KALRN: variants seen among roughly 807,000 people sequenced by gnomAD.
KALRN encodes kalirin RhoGEF kinase, also known as kalirin.
Under a neutral mutation model 353.7 loss-of-function variants are expected in KALRN, and 70 were observed. The ratio of observed to expected loss-of-function variants is 0.20; its 90% confidence interval spans 0.16 to 0.24. The LOEUF is 0.24. Among genes scored for constraint, KALRN ranks in the 10% least tolerant of loss-of-function variants. KALRN has a pLI of 1.00. For synonymous variants in KALRN, 1,391 were observed against 1,434.8 expected (o/e 0.97, Z 0.69); for missense variants, 2,791 against 3,756.7 (o/e 0.74, Z 6.72).
intron 11 of KALRN, among the ~76,000 whole-genome samples, chr3:124,389,843 T>C (rs1560774428): frequency 6.6e-6 from 1 of 152,242 alleles, no homozygotes. Flanking sequence ...TTGGCTTTTT[T>C]TTGTTTTGCA....
Position 124,724,839 on chromosome 3 carries a change from G to A in KALRN, c.*5369G>A, listed in dbSNP as rs1009173227. ...CTAAGACAACTTTTCGTCTTTGAGGGACATTATGATAAGCCTGAAATTAAT... is the reference window on the plus strand; with the variant it reads ...CTAAGACAACTTTTCGTCTTTGAGGAACATTATGATAAGCCTGAAATTAAT... On this transcript the variant is annotated 3_prime_UTR_variant, in exon 60 of 60. Transcript: ENST00000682506. The A allele has an allele frequency of 1.3e-5, 2 of 152,186 alleles. No homozygotes were observed. Among genetic ancestry groups the A allele is most frequent in the African/African-American group, 4.8e-5 (2 of 41,454 alleles). The allele number at this position is 152,186 out of a possible 1,614,324, so 9.4% of individuals were successfully genotyped here.
At chr3:124,112,176 A>C (rs543409092) in intron 1 of KALRN, among the ~76,000 whole-genome samples, 3 of 151,982 alleles carry the variant, frequency 2.0e-5, no homozygotes, top group Admixed American at 2.0e-4. Flanking sequence ...AGTGGTGCAC[A>C]CCTGTAGTCC....
chr3:124,643,525 A>G (rs1461513935), intron 37 of KALRN, among the ~76,000 whole-genome samples: 1 of 152,190 alleles, frequency 6.6e-6, no homozygotes, highest in African/African-American at 2.4e-5. Context: ...TCTGTCGCCC[A>G]GACTGGAGTG....
chr3:124,177,364 T>G (rs1171665454), intron 1 of KALRN, among the ~76,000 whole-genome samples: 1 of 152,210 alleles, frequency 6.6e-6, no homozygotes, highest in Non-Finnish European at 1.5e-5. Flanking sequence ...GCATTACTCC[T>G]TTTTAGCTCC....
chr3:124,638,768 C>A (rs2081664209), intron 37 of KALRN, among the ~76,000 whole-genome samples: 3 of 151,990 alleles, frequency 2.0e-5, no homozygotes, highest in Admixed American at 6.5e-5. Flanking sequence ...GGGGGGGTGC[C>A]CTCAGGTACA....
At position 124,376,576 on chromosome 3, in the gene KALRN, T is replaced by C. The variant is rs552059251; in HGVS notation, c.1771-8269T>C. Among the ~76,000 whole-genome samples the C allele has an allele frequency of 2.0e-5, 3 of 152,358 alleles. No homozygotes were observed. In the East Asian group the frequency reaches 5.8e-4, roughly 29 times the overall value. Reference sequence around the variant, plus strand: ...ATGAAAACTGAAAAGCATTTTTCTATATCACCCTCCTTAATCATAGACAAT... The same window carrying C: ...ATGAAAACTGAAAAGCATTTTTCTACATCACCCTCCTTAATCATAGACAAT... On this transcript the variant is annotated intron_variant, in intron 10 of 59. Transcript: ENST00000682506.
intron 5 of KALRN, among the ~76,000 whole-genome samples, chr3:124,295,121 G>A (rs1301180931): frequency 6.6e-6 from 1 of 152,246 alleles, no homozygotes; most frequent in Non-Finnish European, 1.5e-5. Context: ...AGCCAGCCTT[G>A]CAGGGGTGAG....
At chr3:124,680,026 G>A (rs1304311799) in intron 51 of KALRN, among the ~76,000 whole-genome samples, 2 of 152,204 alleles carry the variant, frequency 1.3e-5, no homozygotes, top group Non-Finnish European at 2.9e-5. Context: ...AACGGGTGAA[G>A]TATGGCACCT....
At chr3:124,188,882 A>G (rs996916773) in intron 1 of KALRN, among the ~76,000 whole-genome samples, 2 of 152,166 alleles carry the variant, frequency 1.3e-5, no homozygotes, top group East Asian at 3.8e-4. Flanking sequence ...GTAGCAATGC[A>G]GAGGGGCCCA....
intron 34 of KALRN, chr3:124,584,758 C>G: frequency 1.9e-6 from 3 of 1,541,114 alleles, no homozygotes; most frequent in Non-Finnish European, 2.6e-6. Context: ...GTTTCCTTCC[C>G]GCCGCGCTCT....
At chr3:124,317,506 A>G (rs139640521) in intron 6 of KALRN, among the ~76,000 whole-genome samples, 75 of 152,310 alleles carry the variant, frequency 4.9e-4, no homozygotes, top group African/African-American at 1.6e-3. Flanking sequence ...CAGGCGTGCT[A>G]GAAGAAATAG....
chr3:124,515,150 A>G (rs891259871), intron 33 of KALRN, among the ~76,000 whole-genome samples: 6 of 152,196 alleles, frequency 3.9e-5, no homozygotes, highest in Admixed American at 3.9e-4. Flanking sequence ...TTTTGTGGCT[A>G]TTTTTCTATC....
intron 5 of KALRN, among the ~76,000 whole-genome samples, chr3:124,294,919 A>G (rs1235429060): frequency 6.6e-6 from 1 of 152,226 alleles, no homozygotes; most frequent in Admixed American, 6.5e-5. Context: ...AATGAGGAGA[A>G]GATCAGAAAT....
chr3:124,410,055 G>A (rs2091998572), intron 13 of KALRN, among the ~76,000 whole-genome samples: 1 of 152,046 alleles, frequency 6.6e-6, no homozygotes, highest in African/African-American at 2.4e-5. Flanking sequence ...GTGGAGGAGG[G>A]TAAGGAGAGG....
intron 31 of KALRN, 136 bp from the exon 32 acceptor site, chr3:124,492,604 A>G (rs1577393293): frequency 1.1e-6 from 1 of 887,540 alleles, no homozygotes; most frequent in Non-Finnish European, 1.7e-6. Flanking sequence ...AGTCATAAGT[A>G]TGAAATGAGA....
chr3:124,450,442 T>C (rs949312973), intron 21 of KALRN, among the ~76,000 whole-genome samples: 4 of 152,212 alleles, frequency 2.6e-5, no homozygotes, highest in African/African-American at 7.2e-5. Flanking sequence ...AAACTATGAT[T>C]TCCTGAGATT....
chr3:124,051,474 G>T (rs1052146668), intron 1 of KALRN, among the ~76,000 whole-genome samples: 4 of 152,298 alleles, frequency 2.6e-5, no homozygotes, highest in South Asian at 2.1e-4. Flanking sequence ...TTTAACATCA[G>T]TCTGGGTTTT....
intron 6 of KALRN, among the ~76,000 whole-genome samples, chr3:124,320,953 G>A (rs2079274253): frequency 6.6e-6 from 1 of 152,232 alleles, no homozygotes; most frequent in South Asian, 2.1e-4. Flanking sequence ...CTCTGTGAAA[G>A]ACAATGAGAC....
At position 124,724,199 on chromosome 3, in the gene KALRN, A is replaced by G. The variant is rs2063391970; in HGVS notation, c.*4729A>G. The G allele has an allele frequency of 6.6e-6, 1 of 152,194 alleles. No homozygotes were observed. The highest frequency in any genetic ancestry group is 1.5e-5 in the Non-Finnish European group (1 of 68,036). 9.4% of individuals were successfully genotyped at this position (152,194 alleles called of 1,614,324 possible). A position where few individuals can be genotyped will look rare whatever the true frequency, so the allele number is the denominator to read the frequency against. On this transcript the variant is annotated 3_prime_UTR_variant, in exon 60 of 60. Transcript: ENST00000682506. ...TGAGGGAGCAAATATGATATAAACT[A>G]AATTTTGCATTAACTAAAACTTTGT...
Sources: allele counts gnomAD v4.1 joint callset (sites outside exome capture counted in the v4.1 genomes callset), GRCh38; gene constraint gnomAD v4.1.1; transcripts MANE v1.5; gene names NCBI Gene and HGNC (gene_info 2026-07-23, HGNC 2026-07-21).